The following CSMD1 variants were observed in gnomAD, a reference collection of about 807,000 sequenced individuals.
CSMD1 encodes the protein CUB and Sushi multiple domains 1.
CSMD1 carries 213 observed loss-of-function variants against 417.5 expected under a neutral mutation model. That is an observed-to-expected ratio of 0.51 (90% CI 0.46 to 0.57). The LOEUF is 0.57. Ranked by LOEUF, CSMD1 falls within the 20% of genes least tolerant of loss-of-function variation. The pLI, the probability that CSMD1 is intolerant of heterozygous loss-of-function variation, is 0.00. For missense variants in CSMD1, 6,923 were observed against 4,529.7 expected, an observed-to-expected ratio of 1.53 and a Z score of -15.17; for synonymous variants, 2,862 against 1,736.8, an observed-to-expected ratio of 1.65 and a Z score of -16.11.
intron 5 of CSMD1, among the ~76,000 whole-genome samples, chr8:3,827,059 G>C (rs138701733): frequency 6.6e-6 from 1 of 152,202 alleles, no homozygotes; most frequent in East Asian, 1.9e-4. Context: ...TGACATTATA[G>C]GCATGAGCCA....
At chr8:3,003,081 G>A (rs893252636) in intron 52 of CSMD1, among the ~76,000 whole-genome samples, 2 of 152,148 alleles carry the variant, frequency 1.3e-5, no homozygotes, top group Admixed American at 1.3e-4. Context: ...CCAGCCATCC[G>A]TTAATTCTGT....
At chr8:4,525,452 A>T (rs1271860735) in intron 2 of CSMD1, among the ~76,000 whole-genome samples, 1 of 152,206 alleles carries the variant, frequency 6.6e-6, no homozygotes, top group Admixed American at 6.5e-5. Flanking sequence ...GCTGTAACAT[A>T]TTACAAATTA....
At chr8:4,305,713 G>T (rs1033187918) in intron 3 of CSMD1, among the ~76,000 whole-genome samples, 20 of 152,188 alleles carry the variant, frequency 1.3e-4, no homozygotes, top group Non-Finnish European at 1.9e-4. Flanking sequence ...AAGATGGAAT[G>T]ATCTCTTGCA....
intron 5 of CSMD1, among the ~76,000 whole-genome samples, chr8:3,813,001 C>G (rs1801168370): frequency 6.6e-6 from 1 of 151,410 alleles, no homozygotes; most frequent in African/African-American, 2.4e-5. Context: ...GGAATTAACT[C>G]TTAGATTACT....
chr8:4,943,988 C>A (rs150696769), intron 1 of CSMD1, among the ~76,000 whole-genome samples: 3,331 of 152,046 alleles, frequency 0.022, 45 homozygotes, highest in Non-Finnish European at 0.033. Context: ...GACATACTGG[C>A]GGTTGTATTT....
Position 4,195,720 on chromosome 8 carries a change from C to G in CSMD1, c.416-163621G>C, listed in dbSNP as rs146394410. ...CAGGGAGAAATTGTGGAAATGGCCC[C>G]CAGACAGCAAAACGTCGGGGCTCTC... is the stretch of plus-strand genomic sequence containing the variant. On this transcript the variant is annotated intron_variant, in intron 3 of 69. Transcript: ENST00000635120. Among the ~76,000 whole-genome samples, 745 of 152,224 alleles carry G rather than the reference C, an allele frequency of 4.9e-3. 7 individuals are homozygous for G. Among genetic ancestry groups the G allele is most frequent in the Middle Eastern group, 0.037 (11 of 294 alleles).
intron 7 of CSMD1, among the ~76,000 whole-genome samples, chr8:3,708,197 C>A (rs79942393): frequency 6.6e-5 from 10 of 152,226 alleles, no homozygotes; most frequent in African/African-American, 2.4e-4. Flanking sequence ...TCAGGGCAGA[C>A]GTGACACATG....
chr8:3,107,407 T>C (rs1381727187), intron 45 of CSMD1, among the ~76,000 whole-genome samples: 1 of 152,138 alleles, frequency 6.6e-6, no homozygotes. Flanking sequence ...CCCAAGTCTG[T>C]CTCTGAATAC....
At chr8:4,301,415 T>A (rs1797974517) in intron 3 of CSMD1, among the ~76,000 whole-genome samples, 1 of 152,150 alleles carries the variant, frequency 6.6e-6, no homozygotes, top group South Asian at 2.1e-4. Context: ...AGGATGGTAC[T>A]GGGAAAGATA....
At chr8:3,474,893 T>G (rs1446538680) in intron 11 of CSMD1, among the ~76,000 whole-genome samples, 1 of 152,226 alleles carries the variant, frequency 6.6e-6, no homozygotes, top group Non-Finnish European at 1.5e-5. Context: ...TAAATAAATC[T>G]ATTTTTGATA....
At chr8:4,425,342 T>C (rs567359534) in intron 2 of CSMD1, among the ~76,000 whole-genome samples, 8 of 140,724 alleles carry the variant, frequency 5.7e-5, no homozygotes, top group African/African-American at 1.9e-4. Context: ...TGATTTCAAA[T>C]AGCTGCAATG....
chr8:4,320,730 G>C (rs910472215), intron 3 of CSMD1, among the ~76,000 whole-genome samples: 2 of 152,094 alleles, frequency 1.3e-5, no homozygotes, highest in African/African-American at 4.8e-5. Flanking sequence ...GTGTGTATGT[G>C]CCACATTTTA....
At chr8:4,114,724 G>C (rs922486690) in intron 3 of CSMD1, among the ~76,000 whole-genome samples, 1 of 152,266 alleles carries the variant, frequency 6.6e-6, no homozygotes, top group Middle Eastern at 3.4e-3. Flanking sequence ...GAGTTTAGAA[G>C]AAGTTGATTC....
chr8:4,632,731 G>C (rs759347382), intron 2 of CSMD1, among the ~76,000 whole-genome samples: 1 of 152,178 alleles, frequency 6.6e-6, no homozygotes, highest in Non-Finnish European at 1.5e-5. Context: ...TGTTACAGGA[G>C]TTCATGCACA....
At chr8:4,806,253 G>C (rs6996767) in intron 1 of CSMD1, among the ~76,000 whole-genome samples, 6 of 152,174 alleles carry the variant, frequency 3.9e-5, no homozygotes, top group African/African-American at 9.7e-5. Context: ...GGATCATGCA[G>C]TGTGCACATG....
intron 1 of CSMD1, among the ~76,000 whole-genome samples, chr8:4,724,559 TG>T (rs1563224877): frequency 1.4e-4 from 21 of 150,936 alleles, no homozygotes; most frequent in African/African-American, 4.7e-4. Context: ...TGTGTGTGTG[TG>T]TGTTTATACT....
intron 2 of CSMD1, among the ~76,000 whole-genome samples, chr8:4,531,182 T>C (rs1402772559): frequency 6.6e-6 from 1 of 152,166 alleles, no homozygotes; most frequent in Non-Finnish European, 1.5e-5. Context: ...AATGTATATA[T>C]CGCCATGTAA....
At chr8:3,387,001 T>C (rs909645592) in intron 18 of CSMD1, among the ~76,000 whole-genome samples, 1 of 152,188 alleles carries the variant, frequency 6.6e-6, no homozygotes, top group African/African-American at 2.4e-5. Context: ...GAGTGGCTGT[T>C]ATCACAAAAA....
intron 2 of CSMD1, among the ~76,000 whole-genome samples, chr8:4,600,884 A>G (rs1200066226): frequency 6.6e-6 from 1 of 152,082 alleles, no homozygotes; most frequent in Non-Finnish European, 1.5e-5. Context: ...ATTTATACAG[A>G]CTGTTGAGGA....
Sources: gnomAD v4.1 joint callset for allele counts (sites outside exome capture counted in the v4.1 genomes callset) on GRCh38, gnomAD v4.1.1 for gene constraint, MANE v1.5 for transcripts, NCBI Gene and HGNC (gene_info 2026-07-23, HGNC 2026-07-21) for gene names.